Variants in IPO11 observed in about 807,000 individuals in gnomAD.
IPO11 encodes importin 11.
Under a neutral mutation model 143.2 loss-of-function variants are expected in IPO11, and 66 were observed. That is an observed-to-expected ratio of 0.46 (90% CI 0.38 to 0.57). The LOEUF (loss-of-function observed/expected upper bound fraction) is 0.57. Among genes scored for constraint, IPO11 ranks in the 20% least tolerant of loss-of-function variants. IPO11 has a pLI of 0.00. For synonymous variants in IPO11, 385 were observed against 377.8 expected, an observed-to-expected ratio of 1.02 and a Z score of -0.22; for missense variants, 1,026 against 1,141.0, an observed-to-expected ratio of 0.90 and a Z score of 1.45.
intron 22 of IPO11, among the ~76,000 whole-genome samples, chr5:62,535,971 GCA>G (rs1272289152): frequency 2.6e-5 from 4 of 152,156 alleles, no homozygotes; most frequent in African/African-American, 4.8e-5. Flanking sequence ...ATGTAAAATA[GCA>G]CAGTGTCAAC....
intron 27 of IPO11, among the ~76,000 whole-genome samples, chr5:62,586,768 AATATATATATATAT>A (rs56808416): frequency 2.8e-4 from 8 of 28,912 alleles, no homozygotes; most frequent in African/African-American, 1.1e-3. Flanking sequence ...AAAAAAAAAA[AATATATATATATAT>A]ATATATATAT....
At chr5:62,430,974 G>A (rs1215679773) in intron 1 of IPO11, among the ~76,000 whole-genome samples, 1 of 151,334 alleles carries the variant, frequency 6.6e-6, no homozygotes, top group Non-Finnish European at 1.5e-5. Context: ...GTGAGCCACC[G>A]TGCCTGGCCT....
chr5:62,596,782 A>G (rs1390689365), intron 28 of IPO11, among the ~76,000 whole-genome samples: 1 of 151,978 alleles, frequency 6.6e-6, no homozygotes, highest in African/African-American at 2.4e-5. Flanking sequence ...ATTCTGCCCC[A>G]CTTAAAATTA....
intron 6 of IPO11, among the ~76,000 whole-genome samples, chr5:62,468,025 A>G (rs40110): frequency 0.59 from 90,217 of 151,814 alleles, 27,141 homozygotes; most frequent in South Asian, 0.68. Flanking sequence ...ATAGCTCACT[A>G]CAACCTTGAA....
At chr5:62,567,082 T>A (rs2112376693) in intron 27 of IPO11, among the ~76,000 whole-genome samples, 1 of 152,346 alleles carries the variant, frequency 6.6e-6, no homozygotes, top group South Asian at 2.1e-4. Flanking sequence ...GATGAATTCC[T>A]TTCAGCAGTT....
At chr5:62,467,863 C>A (rs191635558) in intron 6 of IPO11, among the ~76,000 whole-genome samples, 84 of 152,228 alleles carry the variant, frequency 5.5e-4, no homozygotes, top group African/African-American at 1.9e-3. Flanking sequence ...AAAATATACT[C>A]ATTTGTCTTA....
chr5:62,474,355 A>T, intron 7 of IPO11, 61 bp from the exon 8 acceptor site: 1 of 1,028,826 alleles, frequency 9.7e-7, no homozygotes. Flanking sequence ...TCCCTGAAAA[A>T]GATACAAGGT....
intron 29 of IPO11, among the ~76,000 whole-genome samples, chr5:62,605,378 C>T (rs1262883049): frequency 6.6e-6 from 1 of 152,150 alleles, no homozygotes; most frequent in African/African-American, 2.4e-5. Context: ...ATGAAATTTA[C>T]ACTCAGGAAA....
rs751939257 is a variant in IPO11 at position 62,526,195 on chromosome 5, A to G, written c.1950A>G (p.Gln650=). Residue 650 remains glutamine (Q), a synonymous_variant, in exon 21 of 30, where the codon CAA becomes CAG. Coordinates refer to ENST00000325324, the MANE Select transcript of IPO11 (RefSeq NM_016338.5). The stretch of plus-strand genomic sequence containing the variant: ...ACCCTTTCCTGCTCCCAGTTATTCA[A>G]CTGAGTACAGATGTTTCACAGCCTC... ...NLYPFLLPVI[Q]LSTDVSQPPH... is the part of the protein sequence containing the mutation. The G allele has an allele frequency of 2.2e-5, 35 of 1,613,830 alleles. 1 individual carries two copies. In the East Asian group the frequency reaches 2.9e-4, roughly 13 times the overall value.
At chr5:62,605,671 AT>A (rs1277184997) in intron 29 of IPO11, among the ~76,000 whole-genome samples, 1 of 151,506 alleles carries the variant, frequency 6.6e-6, no homozygotes, top group Admixed American at 6.6e-5. Context: ...AGTTTTGAGC[AT>A]TTTAATGCTT....
intron 28 of IPO11, among the ~76,000 whole-genome samples, chr5:62,598,422 TTCTTTCTTTCTCTCTCTCTC>T (rs1745326954): frequency 1.2e-4 from 1 of 8,658 alleles, no homozygotes; most frequent in South Asian, 6.1e-3. Context: ...CTTTCTTTCT[TTCTTTCTTTCTCTCTCTCTC>T]TCTCTCTCTC....
chr5:62,617,606 A>G (rs558066399), intron 29 of IPO11, among the ~76,000 whole-genome samples: 1 of 152,276 alleles, frequency 6.6e-6, no homozygotes, highest in South Asian at 2.1e-4. Context: ...AATGGAAGGA[A>G]AACAATTCCC....
intron 29 of IPO11, among the ~76,000 whole-genome samples, chr5:62,613,589 C>T (rs1161434059): frequency 6.6e-6 from 1 of 152,026 alleles, no homozygotes; most frequent in Non-Finnish European, 1.5e-5. Flanking sequence ...AGGTGTGAGC[C>T]ACCACGCCTG....
intron 19 of IPO11, among the ~76,000 whole-genome samples, chr5:62,513,728 G>T (rs1306705480): frequency 6.7e-6 from 1 of 150,042 alleles, no homozygotes; most frequent in Non-Finnish European, 1.5e-5. Context: ...GGCCGGGTGG[G>T]GGGCTGACCC....
At chr5:62,482,933 A>G (rs1463333339) in intron 9 of IPO11, among the ~76,000 whole-genome samples, 168 bp from the exon 10 acceptor site, 1 of 152,166 alleles carries the variant, frequency 6.6e-6, no homozygotes, top group Non-Finnish European at 1.5e-5. Flanking sequence ...TCATTATATG[A>G]TGTGCCTCAA....
chr5:62,506,223 C>A lies in IPO11; in HGVS notation c.1666-18C>A, dbSNP rs1270830893. The A allele has an allele frequency of 5.1e-6, 7 of 1,380,656 alleles. No individual in the cohort carries two copies. The highest frequency in any genetic ancestry group is 3.7e-5 in the Admixed American group (2 of 54,624). The allele number at this position is 1,380,656 out of a possible 1,614,324, so 85.5% of individuals were successfully genotyped here. A position where few individuals can be genotyped will look rare whatever the true frequency, so the allele number is the denominator to read the frequency against. On this transcript the variant is annotated intron_variant, in intron 18 of 29. Coordinates refer to ENST00000325324, the MANE Select transcript of IPO11 (RefSeq NM_016338.5). ...TTCTATTATAAACCTTTTTTATTTT[C>A]TTTCTTTTTACCTGCAGTATTTGGA...
At chr5:62,425,045 G>A (rs1431156748) in intron 1 of IPO11, among the ~76,000 whole-genome samples, 1 of 152,100 alleles carries the variant, frequency 6.6e-6, no homozygotes, top group Non-Finnish European at 1.5e-5. Context: ...CTCAAGGTGA[G>A]GTTTTTGTTT....
At chr5:62,529,203 A>C (rs1295306518) in intron 21 of IPO11, among the ~76,000 whole-genome samples, 1 of 152,146 alleles carries the variant, frequency 6.6e-6, no homozygotes, top group African/African-American at 2.4e-5. Flanking sequence ...TTTGAACAAA[A>C]GACTTTGTAT....
At chr5:62,516,976 A>G (rs1580274110) in intron 20 of IPO11, among the ~76,000 whole-genome samples, 1 of 151,934 alleles carries the variant, frequency 6.6e-6, no homozygotes, top group African/African-American at 2.4e-5. Context: ...AGGCGGGTGG[A>G]TCACAAGGTC....
Sources: allele counts gnomAD v4.1 joint callset (sites outside exome capture counted in the v4.1 genomes callset), GRCh38; gene constraint gnomAD v4.1.1; transcripts MANE v1.5; gene names NCBI Gene and HGNC (gene_info 2026-07-23, HGNC 2026-07-21).